LAMP3: variants seen among roughly 807,000 people sequenced by gnomAD.
LAMP3 encodes lysosome-associated membrane glycoprotein 3.
In LAMP3, 26 loss-of-function variants were observed where a neutral mutation model predicts 34.8. The observed-to-expected ratio is 0.75, with a 90% CI of 0.55 to 1.04. The LOEUF is 1.04. Among genes scored for constraint, LAMP3 ranks in the 50% least tolerant of loss-of-function variants. The pLI, the probability that LAMP3 is intolerant of heterozygous loss-of-function variation, is 0.00. For missense variants in LAMP3, 495 were observed against 524.0 expected (o/e 0.94, Z 0.54); for synonymous variants, 180 against 201.9 (o/e 0.89, Z 0.92).
intron 1 of LAMP3, among the ~76,000 whole-genome samples, chr3:183,155,204 C>A (rs957472702): frequency 7.9e-5 from 12 of 152,190 alleles, no homozygotes; most frequent in Non-Finnish European, 1.5e-4. Flanking sequence ...GCCACCGTGC[C>A]CCACCCCAAA....
At chr3:183,150,090 G>A (rs1720584158) in intron 3 of LAMP3, among the ~76,000 whole-genome samples, 1 of 152,146 alleles carries the variant, frequency 6.6e-6, no homozygotes, top group Non-Finnish European at 1.5e-5. Flanking sequence ...CGGGGCCATG[G>A]GCTGAGAGTG....
At chr3:183,144,543 G>C (rs1376129488) in intron 3 of LAMP3, among the ~76,000 whole-genome samples, 1 of 152,174 alleles carries the variant, frequency 6.6e-6, no homozygotes, top group Non-Finnish European at 1.5e-5. Flanking sequence ...CTTCTAGGCA[G>C]AGGGAAAAGT....
At chr3:183,155,247 T>C (rs749186766) in intron 1 of LAMP3, among the ~76,000 whole-genome samples, 1 of 152,176 alleles carries the variant, frequency 6.6e-6, no homozygotes. Context: ...CACCTACAGA[T>C]CTTTGCCATG....
At position 183,123,103 on chromosome 3, in the gene LAMP3, T is replaced by TTA. The variant is rs1204088642; in HGVS notation, c.*976_*977dup. ...AAGGGCCATTATTATTGTCTCTTGC[T>TTA]TATTGTTTAGTTCTACCATCTGTAG... On this transcript the variant is annotated 3_prime_UTR_variant, in exon 6 of 6. Transcript: ENST00000265598. 1 of 152,258 alleles carries TTA rather than the reference T, an allele frequency of 6.6e-6. No homozygotes were observed. The highest frequency in any genetic ancestry group is 1.5e-5 in the Non-Finnish European group (1 of 68,048). The allele number at this position is 152,258 out of a possible 1,614,324, so 9.4% of individuals were successfully genotyped here.
chr3:183,135,540 A>G (rs530636905), intron 5 of LAMP3, among the ~76,000 whole-genome samples, 177 bp downstream of exon 5: 1 of 152,310 alleles, frequency 6.6e-6, no homozygotes, highest in South Asian at 2.1e-4. Flanking sequence ...GGGTGGGTGC[A>G]GGTGCCTGAT....
chr3:183,138,241 G>A (rs1405407225), intron 4 of LAMP3, among the ~76,000 whole-genome samples: 6 of 152,108 alleles, frequency 3.9e-5, no homozygotes, highest in African/African-American at 1.4e-4. Flanking sequence ...CCTAAGTGAG[G>A]AGACAGATCT....
At chr3:183,124,360 A>C (rs892575671) in intron 5 of LAMP3, 146 bp from the exon 6 acceptor site, 17 of 626,248 alleles carry the variant, frequency 2.7e-5, no homozygotes, top group Non-Finnish European at 3.5e-5. Context: ...GACCTTGGGC[A>C]GGTAATTTAC....
chr3:183,151,424 CT>C (rs1303908629), intron 3 of LAMP3, among the ~76,000 whole-genome samples: 8,148 of 129,972 alleles, frequency 0.063, 342 homozygotes, highest in African/African-American at 0.12. Flanking sequence ...GGGGCATGCT[CT>C]TTTTTTTTTT....
At chr3:183,149,208 G>C (rs1289980532) in intron 3 of LAMP3, among the ~76,000 whole-genome samples, 2 of 151,964 alleles carry the variant, frequency 1.3e-5, no homozygotes, top group African/African-American at 4.8e-5. Context: ...GGTAATGGGT[G>C]GGGTGGGGGA....
At position 183,124,190 on chromosome 3, in the gene LAMP3, G is replaced by A. The variant is rs1403154833; in HGVS notation, c.1142C>T (p.Thr381Ile). Reference protein sequence around the residue: ...GNVDECSSDYTIVLPVIGAIV... With the variant: ...GNVDECSSDYIIVLPVIGAIV... Reference sequence around the variant, plus strand: ...GGCCCCAATCACAGGAAGCACAATTGTGTAGTCAGACGAGCACTCATCCAC... The same window carrying A: ...GGCCCCAATCACAGGAAGCACAATTATGTAGTCAGACGAGCACTCATCCAC... Residue 381 changes from threonine (T) to isoleucine (I), a missense_variant, in exon 6 of 6, where the codon ACA becomes ATA. Physicochemically the swap from Thr to Ile is moderately conservative, Grantham distance 89. Transcript: ENST00000265598. 1.2e-6 allele frequency: 2 copies of A among 1,604,060 alleles called. No individual in the cohort carries two copies. The highest frequency in any genetic ancestry group is 4.5e-5 in the East Asian group (2 of 44,498).
chr3:183,148,785 G>C (rs913065981), intron 3 of LAMP3, among the ~76,000 whole-genome samples: 2 of 152,164 alleles, frequency 1.3e-5, no homozygotes, highest in Admixed American at 6.5e-5. Context: ...GAAAAGTTTG[G>C]ATCCTCAAAA....
chr3:183,133,887 C>G lies in LAMP3; in HGVS notation c.1117+1830G>C, dbSNP rs143524493. 5.9e-5 allele frequency among the ~76,000 whole-genome samples: 9 copies of G among 152,276 alleles called. No individual in the cohort carries two copies. The East Asian group carries it at 1.7e-3, about 29-fold the overall frequency. On this transcript the variant is annotated intron_variant, in intron 5 of 5. Transcript: ENST00000265598. ...GCTTTGACACTTGCTGGATTCCTCT[C>G]CAGTTCTTCGATCCCCTGTTTAAAA...
intron 1 of LAMP3, chr3:183,161,997 G>T (rs371024984): frequency 1.4e-5 from 14 of 984,954 alleles, no homozygotes; most frequent in Non-Finnish European, 1.7e-5. Context: ...TTAGCCGGGC[G>T]GTAGGGACGG....
At chr3:183,159,857 G>A (rs657261) in intron 1 of LAMP3, among the ~76,000 whole-genome samples, 10,960 of 152,262 alleles carry the variant, frequency 0.072, 491 homozygotes, top group East Asian at 0.18. Flanking sequence ...GCTGGGTGAA[G>A]GCAGCTCAAT....
At chr3:183,143,199 G>T (rs1720338731) in intron 3 of LAMP3, among the ~76,000 whole-genome samples, 1 of 152,068 alleles carries the variant, frequency 6.6e-6, no homozygotes, top group South Asian at 2.1e-4. Flanking sequence ...GCCTCAACCT[G>T]CTGGGCTCAA....
chr3:183,146,380 T>G (rs1048546850), intron 3 of LAMP3, among the ~76,000 whole-genome samples: 2 of 152,182 alleles, frequency 1.3e-5, no homozygotes, highest in Non-Finnish European at 1.5e-5. Flanking sequence ...TGAGTCCATT[T>G]CTCTTTTGGA....
At chr3:183,124,315 G>A (rs1475357106) in intron 5 of LAMP3, 101 bp from the exon 6 acceptor site, 1 of 1,106,228 alleles carries the variant, frequency 9.0e-7, no homozygotes, top group Non-Finnish European at 1.2e-6. Flanking sequence ...ATCAAACAAA[G>A]CTTGACTTTT....
chr3:183,156,283 C>T (rs189456151), intron 1 of LAMP3, among the ~76,000 whole-genome samples: 12 of 152,264 alleles, frequency 7.9e-5, no homozygotes, highest in South Asian at 4.2e-4. Flanking sequence ...ATAGCTTGAA[C>T]CCGGGAGGCT....
chr3:183,133,828 T>A (rs1719998716), intron 5 of LAMP3, among the ~76,000 whole-genome samples: 1 of 152,218 alleles, frequency 6.6e-6, no homozygotes. Flanking sequence ...AGGAGTCTAC[T>A]GTTTGGGATG....
Sources: allele counts gnomAD v4.1 joint callset (sites outside exome capture counted in the v4.1 genomes callset), GRCh38; gene constraint gnomAD v4.1.1; transcripts MANE v1.5; gene names NCBI Gene and HGNC (gene_info 2026-07-23, HGNC 2026-07-21).